Variants in SPAG6 observed in about 807,000 individuals in gnomAD.
SPAG6 encodes the protein sperm-associated antigen 6.
A neutral mutation model predicts 58.5 loss-of-function variants in SPAG6; 49 were observed. That is an observed-to-expected ratio of 0.84 (90% CI 0.67 to 1.06). The LOEUF is 1.06. SPAG6 is among the 50% of genes least tolerant of loss of function. SPAG6 has a pLI of 0.00. For missense variants in SPAG6, 560 were observed against 611.3 expected, an observed-to-expected ratio of 0.92 and a Z score of 0.89; for synonymous variants, 233 against 225.6, an observed-to-expected ratio of 1.03 and a Z score of -0.29.
At chr10:22,373,797 A>G (rs965040473) in intron 4 of SPAG6, among the ~76,000 whole-genome samples, 1 of 152,194 alleles carries the variant, frequency 6.6e-6, no homozygotes, top group African/African-American at 2.4e-5. Flanking sequence ...ATGTGGGATA[A>G]CATATATTAT....
intron 8 of SPAG6, among the ~76,000 whole-genome samples, chr10:22,397,517 T>C (rs1834324390): frequency 6.6e-6 from 1 of 152,172 alleles, no homozygotes; most frequent in Non-Finnish European, 1.5e-5. Flanking sequence ...GGTTTTGCCA[T>C]GTTGGCCAGG....
chr10:22,413,547 T>A (rs911998568), intron 10 of SPAG6, among the ~76,000 whole-genome samples: 2 of 151,594 alleles, frequency 1.3e-5, no homozygotes, highest in African/African-American at 2.4e-5. Flanking sequence ...AAAAAAAAAA[T>A]TAATCTAGTG....
chr10:22,411,838 A>ATTTTTTTTT (rs1283503992), intron 10 of SPAG6, among the ~76,000 whole-genome samples: 2 of 132,714 alleles, frequency 1.5e-5, no homozygotes, highest in African/African-American at 6.9e-5. Flanking sequence ...AAACAACTGA[A>ATTTTTTTTT]TCTTTTTTTT....
At chr10:22,365,312 T>C (rs1837166138) in intron 3 of SPAG6, among the ~76,000 whole-genome samples, 1 of 152,200 alleles carries the variant, frequency 6.6e-6, no homozygotes, top group African/African-American at 2.4e-5. Context: ...GGATCTGTCT[T>C]AGGGAAGTAT....
At chr10:22,411,910 G>A (rs940752646) in intron 10 of SPAG6, among the ~76,000 whole-genome samples, 2 of 135,010 alleles carry the variant, frequency 1.5e-5, no homozygotes, top group South Asian at 2.4e-4. Context: ...GTGCAGTGGC[G>A]CGATTTCGGC....
chr10:22,380,431 G>A (rs1384423217), intron 4 of SPAG6, among the ~76,000 whole-genome samples: 1 of 152,082 alleles, frequency 6.6e-6, no homozygotes, highest in Admixed American at 6.5e-5. Context: ...AGCCTCCCGA[G>A]TAGCTACAGG....
rs1209774376 is a variant in SPAG6, at chr10:22,397,594, G to A, written c.1198-3567G>A. 2.0e-5 allele frequency among the ~76,000 whole-genome samples: 3 copies of A among 152,184 alleles called. No individual in the cohort carries two copies. In the South Asian group the frequency reaches 6.2e-4, roughly 32 times the overall value. On this transcript the variant is annotated intron_variant, in intron 8 of 10. Coordinates refer to ENST00000376624, the MANE Select transcript of SPAG6 (RefSeq NM_012443.4). ...GCCTCCCAAAGTGGCTGGGATTAGA[G>A]GTGTGAGCCACTGCTGCTGGTCTCT...
At position 22,345,534 on chromosome 10, in the gene SPAG6, G is replaced by A. The variant is rs974507600; in HGVS notation, c.-78G>A. 7 of 1,282,232 alleles carry A rather than the reference G, an allele frequency of 5.5e-6. No homozygotes were observed. The highest frequency in any genetic ancestry group is 2.6e-4 in the Middle Eastern group (1 of 3,792). The allele number at this position is 1,282,232 out of a possible 1,614,324, so 79.4% of individuals were successfully genotyped here. ...CCGTCGGAGGCCGAGTCGTCGCCAC[G>A]ATCGCCCCCTTGGTGGACTCGCAGG... On this transcript the variant is annotated 5_prime_UTR_variant, in exon 1 of 11. Transcript: ENST00000376624. This position sits in a 1 kb window ranked among gnomAD's most constrained non-coding sequence, Gnocchi z 6.3.
At chr10:22,414,753 T>TGGG (rs1834828646) in intron 10 of SPAG6, among the ~76,000 whole-genome samples, 1 of 152,156 alleles carries the variant, frequency 6.6e-6, no homozygotes, top group Non-Finnish European at 1.5e-5. Context: ...ACAGACATAC[T>TGGG]AGCCATTTTC....
At chr10:22,412,744 T>C in intron 10 of SPAG6, 1 of 307,388 alleles carries the variant, frequency 3.3e-6, no homozygotes, top group Non-Finnish European at 6.0e-6. Flanking sequence ...GCTAATGTTT[T>C]GTAGTTTTAG....
At chr10:22,376,544 A>G (rs998506521) in intron 4 of SPAG6, among the ~76,000 whole-genome samples, 6 of 152,140 alleles carry the variant, frequency 3.9e-5, no homozygotes, top group Admixed American at 2.6e-4. Context: ...GTGGTCTTAA[A>G]AAGACATGTG....
chr10:22,357,932 G>T (rs1262899633), intron 2 of SPAG6, among the ~76,000 whole-genome samples: 1 of 151,930 alleles, frequency 6.6e-6, no homozygotes, highest in African/African-American at 2.4e-5. Flanking sequence ...TTTTATGGCT[G>T]CATACTATTC....
At chr10:22,413,930 A>T (rs994326281) in intron 10 of SPAG6, among the ~76,000 whole-genome samples, 1 of 152,142 alleles carries the variant, frequency 6.6e-6, no homozygotes, top group African/African-American at 2.4e-5. Flanking sequence ...TTATCAACTG[A>T]TACATTCATC....
chr10:22,393,734 G>C (rs913408855), intron 8 of SPAG6, among the ~76,000 whole-genome samples: 9 of 152,094 alleles, frequency 5.9e-5, no homozygotes, highest in Non-Finnish European at 1.2e-4. Context: ...GTAGGGATTT[G>C]ATCATTCTTT....
intron 2 of SPAG6, among the ~76,000 whole-genome samples, chr10:22,364,575 A>G (rs1837140236): frequency 6.6e-6 from 1 of 152,192 alleles, no homozygotes; most frequent in African/African-American, 2.4e-5. Flanking sequence ...AATTAACCCT[A>G]TCAGGTAATA....
intron 2 of SPAG6, chr10:22,361,081 C>T (rs1273805063): frequency 2.5e-6 from 1 of 404,562 alleles, no homozygotes; most frequent in African/African-American, 2.1e-5. Context: ...CACTAAGAGG[C>T]AATTTAAGGA....
At chr10:22,368,321 G>A (rs1461692937) in intron 3 of SPAG6, among the ~76,000 whole-genome samples, 174 bp from the exon 4 acceptor site, 2 of 152,192 alleles carry the variant, frequency 1.3e-5, no homozygotes, top group Non-Finnish European at 2.9e-5. Context: ...CAGAAGCAAT[G>A]AGGGCACATC....
rs1833718803 is a variant in SPAG6, at chr10:22,372,299, A to G, written c.472+3621A>G. Among the ~76,000 whole-genome samples the G allele has an allele frequency of 2.0e-5, 3 of 152,234 alleles. No homozygotes were observed. The South Asian group carries it at 6.2e-4, about 31-fold the overall frequency. On this transcript the variant is annotated intron_variant, in intron 4 of 10. Transcript: ENST00000376624. The stretch of plus-strand genomic sequence containing the variant: ...CAAGTGCAGTTTTGTACATGGATAT[A>G]TAGTTATTCTATTAACATATTTATT...
rs768588289 is a variant in SPAG6 at position 22,345,915 on chromosome 10, G to T, written c.121+97G>T. On this transcript the variant is annotated intron_variant, in intron 2 of 10. Transcript: ENST00000376624. This position sits in a 1 kb window ranked among gnomAD's most constrained non-coding sequence, Gnocchi z 6.3. ...CCCGTGGAGCTCTTGGGGAGCCGCA[G>T]TGTGGGGACCGGAGTTCGCAAAAGC... 7.0e-6 allele frequency: 11 copies of T among 1,574,744 alleles called. No individual in the cohort carries two copies. The highest frequency in any genetic ancestry group is 9.5e-6 in the Non-Finnish European group (11 of 1,160,450).
Sources: gnomAD v4.1 joint callset for allele counts (sites outside exome capture counted in the v4.1 genomes callset) on GRCh38, gnomAD v4.1.1 for gene constraint, Gnocchi (gnomAD v3.1) non-coding constraint, MANE v1.5 for transcripts, NCBI Gene and HGNC (gene_info 2026-07-23, HGNC 2026-07-21) for gene names.